FBH1: variants seen among roughly 807,000 people sequenced by gnomAD.
FBH1 encodes the protein F-box DNA helicase 1.
In FBH1, 43 loss-of-function variants were observed where a neutral mutation model predicts 115.5. The observed-to-expected ratio is 0.37, with a 90% confidence interval of 0.29 to 0.48. The LOEUF (loss-of-function observed/expected upper bound fraction) is 0.48. FBH1 is among the 20% of genes least tolerant of loss of function. FBH1 has a pLI of 0.99. For missense variants in FBH1, 1,001 were observed against 1,337.3 expected (o/e 0.75, Z 3.92); for synonymous variants, 524 against 507.8 (o/e 1.03, Z -0.43).
At chr10:5,929,168 C>T (rs1290826849) in intron 19 of FBH1, among the ~76,000 whole-genome samples, 1 of 152,172 alleles carries the variant, frequency 6.6e-6, no homozygotes, top group Non-Finnish European at 1.5e-5. Context: ...GAAATTCCTG[C>T]CCTCATAGAG....
intron 2 of FBH1, 124 bp downstream of exon 2, chr10:5,903,299 T>TGAA: frequency 1.5e-6 from 1 of 646,990 alleles, no homozygotes; most frequent in Non-Finnish European, 2.3e-6. Context: ...TGCAATAGCT[T>TGAA]GACACTTTTT....
In FBH1 at chr10:5,924,017, G is replaced by A. The variant is rs181189150; in HGVS notation, c.2399-294G>A. ...CGTGGGCCCCAAGTGATAGCGTCGA[G>A]CATTTCTATAGCGCTTTTCTTTTCC... On this transcript the variant is annotated intron_variant, in intron 16 of 20. Coordinates refer to ENST00000362091, the MANE Select transcript of FBH1 (RefSeq NM_178150.3). The surrounding 1 kb of genome is among the most constrained non-coding windows in gnomAD (Gnocchi z 6.2). 112 of 562,012 alleles carry A rather than the reference G, an allele frequency of 2.0e-4. 1 individual carries two copies. In the Admixed American group the frequency reaches 3.3e-3, roughly 17 times the overall value. The allele number at this position is 562,012 out of a possible 1,614,324, so 34.8% of individuals were successfully genotyped here.
Position 5,914,351 on chromosome 10 carries a change from C to A in FBH1, c.1396+82C>A. On this transcript the variant is annotated intron_variant, in intron 8 of 20. Transcript: ENST00000362091. This position sits in a 1 kb window ranked among gnomAD's most constrained non-coding sequence, Gnocchi z 5.2. ...ATCCCCTTCCCGCTACCTGCCAGGG[C>A]ATCTTTGCTCTGATCTGTCATCCAA... is the stretch of plus-strand genomic sequence containing the variant. The A allele has an allele frequency of 8.9e-7, 1 of 1,120,854 alleles. No homozygotes were observed. Among genetic ancestry groups the A allele is most frequent in the Non-Finnish European group, 1.4e-6 (1 of 735,628 alleles). 69.4% of individuals were successfully genotyped at this position (1,120,854 alleles called of 1,614,324 possible). A position where few individuals can be genotyped will look rare whatever the true frequency, so the allele number is the denominator to read the frequency against.
At chr10:5,904,242 A>G (rs2131901010) in intron 2 of FBH1, among the ~76,000 whole-genome samples, 1 of 152,164 alleles carries the variant, frequency 6.6e-6, no homozygotes, top group East Asian at 1.9e-4. Flanking sequence ...TACGTTGCCC[A>G]GGCTGGTCTC....
chr10:5,890,731 A>G (rs1017293972), intron 1 of FBH1, among the ~76,000 whole-genome samples: 2 of 151,998 alleles, frequency 1.3e-5, no homozygotes, highest in Non-Finnish European at 2.9e-5. Context: ...TGGGCAAGTC[A>G]TTTTTCGCTG....
chr10:5,911,541 C>T lies in FBH1; in HGVS notation c.1211+413C>T, dbSNP rs1005372625. Among the ~76,000 whole-genome samples, 4 of 152,314 alleles carry T rather than the reference C, an allele frequency of 2.6e-5. No individual in the cohort carries two copies. In the East Asian group the frequency reaches 5.8e-4, roughly 22 times the overall value. ...ATCCTCCATGCGGGAGAGGCTATGG[C>T]GTGTCGGCTGCTGATTCACAGGGGC... On this transcript the variant is annotated intron_variant, in intron 6 of 20. Transcript: ENST00000362091. This position sits in a 1 kb window ranked among gnomAD's most constrained non-coding sequence, Gnocchi z 5.4.
chr10:5,928,470 G>C (rs949959800), intron 19 of FBH1: 3 of 152,088 alleles, frequency 2.0e-5, no homozygotes, highest in Non-Finnish European at 4.4e-5. Flanking sequence ...GTGTTCACAG[G>C]GAAAAATGCC....
At position 5,894,147 on chromosome 10, in the gene FBH1, C is replaced by T. The variant is rs564838237; in HGVS notation, c.1+3801C>T. The T allele has an allele frequency of 3.5e-5, 34 of 985,194 alleles. 1 individual carries two copies. The South Asian group carries it at 3.8e-4, about 11-fold the overall frequency. The allele number at this position is 985,194 out of a possible 1,614,324, so 61.0% of individuals were successfully genotyped here. ...AGCAGGCTGTGGTAGCCTGGCTCTG[C>T]GTCAGTGAATACCTGGGAAAGGAGC... On this transcript the variant is annotated intron_variant, in intron 1 of 20. Transcript: ENST00000362091.
intron 1 of FBH1, among the ~76,000 whole-genome samples, chr10:5,894,839 T>C (rs1293076542): frequency 6.6e-6 from 1 of 152,220 alleles, no homozygotes; most frequent in Non-Finnish European, 1.5e-5. Flanking sequence ...ATAATTGTTA[T>C]TAATATAATA....
chr10:5,897,410 CAG>C lies in FBH1; in HGVS notation c.2-5609_2-5608del, dbSNP rs1191838289. ...AGGGCTCCTGCGGAGGAGGTGGACA[CAG>C]GGCTCCTGGCTCCCAGTTCAGAGCA... is the stretch of plus-strand genomic sequence containing the variant. On this transcript the variant is annotated intron_variant, in intron 1 of 20. Coordinates refer to ENST00000362091, the MANE Select transcript of FBH1 (RefSeq NM_178150.3). This position sits in a 1 kb window ranked among gnomAD's most constrained non-coding sequence, Gnocchi z 4.7. Among the ~76,000 whole-genome samples, 1 of 152,140 alleles carries C rather than the reference CAG, an allele frequency of 6.6e-6. No individual in the cohort carries two copies. The highest frequency in any genetic ancestry group is 2.4e-5 in the African/African-American group (1 of 41,424).
At position 5,936,857 on chromosome 10, in the gene FBH1, C is replaced by T. The variant is rs535010447; in HGVS notation, c.2962-253C>T. The T allele has an allele frequency of 9.6e-4, 568 of 590,346 alleles. No homozygotes were observed. The highest frequency in any genetic ancestry group is 1.5e-3 in the Non-Finnish European group (514 of 340,654). The allele number at this position is 590,346 out of a possible 1,614,324, so 36.6% of individuals were successfully genotyped here. ...AGAGAGCTGTTCCCTGGGGTCCCAG[C>T]GCAGCTTTTCTTGGTTCTTTATCTT... On this transcript the variant is annotated intron_variant, in intron 20 of 20. Transcript: ENST00000362091. The surrounding 1 kb of genome is among the most constrained non-coding windows in gnomAD (Gnocchi z 5.6).
At position 5,903,047 on chromosome 10, in the gene FBH1, C is replaced by T. The variant is rs1369803376; in HGVS notation, c.29C>T (p.Thr10Ile). ...AGACGGTTTAAGCGGAAGCATCTTA[C>T]TGCCATTGACTGCCAGCATTTGGCT... MRRFKRKHL[T>I]AIDCQHLARS... Residue 10 changes from threonine to isoleucine, a missense_variant, in exon 2 of 21, where the codon ACT (threonine) becomes ATT (isoleucine). Coordinates refer to ENST00000362091, the MANE Select transcript of FBH1 (RefSeq NM_178150.3). 6.2e-7 allele frequency: 1 copy of T among 1,613,102 alleles called. No individual in the cohort carries two copies. The highest frequency in any genetic ancestry group is 8.5e-7 in the Non-Finnish European group (1 of 1,179,520).
Position 5,915,581 on chromosome 10 carries a change from GCTGT to G in FBH1, c.1565+12_1565+15del. ...GGCACATAGGGCGGAAGTGAGTACT[GCTGT>G]CACTAGTGGCACTGTTGCTGCTGGC... is the stretch of plus-strand genomic sequence containing the variant. On this transcript the variant is annotated intron_variant, in intron 9 of 20. Transcript: ENST00000362091. This position sits in a 1 kb window ranked among gnomAD's most constrained non-coding sequence, Gnocchi z 5.2. 1 of 1,613,260 alleles carries G rather than the reference GCTGT, an allele frequency of 6.2e-7. No individual in the cohort carries two copies. Among genetic ancestry groups the G allele is most frequent in the Non-Finnish European group, 8.5e-7 (1 of 1,179,342 alleles).
intron 18 of FBH1, 61 bp from the exon 19 acceptor site, chr10:5,927,362 TAGATGAGACATA>T: frequency 9.0e-7 from 1 of 1,107,324 alleles, no homozygotes; most frequent in Non-Finnish European, 1.3e-6. Context: ...AGTAAACATT[TAGATGAGACATA>T]AGGTTTTGTA....
At chr10:5,901,199 T>G (rs1843325626) in intron 1 of FBH1, among the ~76,000 whole-genome samples, 1 of 152,078 alleles carries the variant, frequency 6.6e-6, no homozygotes, top group Non-Finnish European at 1.5e-5. Flanking sequence ...TGAGATGGAG[T>G]TTCACTCTTG....
In FBH1 at chr10:5,916,443, A is replaced by G. The variant is rs1188148932; in HGVS notation, c.1775A>G (p.Gln592Arg). ...CAAGGACAGAGAGTCATGGTTGAGC[A>G]GAGTGAAAAACTGGTGAGTGTCTAA... ...NSQGQRVMVE[Q>R]SEKLNGVLEA... Residue 592 changes from glutamine to arginine, a missense_variant, in exon 10 of 21, where the codon CAG (glutamine) becomes CGG (arginine). Transcript: ENST00000362091. The G allele has an allele frequency of 6.2e-7, 1 of 1,613,500 alleles. No individual in the cohort carries two copies. The highest frequency in any genetic ancestry group is 8.5e-7 in the Non-Finnish European group (1 of 1,179,770).
Position 5,895,374 on chromosome 10 carries a change from T to C in FBH1, c.1+5028T>C, listed in dbSNP as rs1017140717. ...TGAAAAAGCAATTATTTAATAATAATATTTACTTCCAGGAATTCTAGGTAC... is the reference window on the plus strand; with the variant it reads ...TGAAAAAGCAATTATTTAATAATAACATTTACTTCCAGGAATTCTAGGTAC... On this transcript the variant is annotated intron_variant, in intron 1 of 20. Coordinates refer to ENST00000362091, the MANE Select transcript of FBH1 (RefSeq NM_178150.3). This position sits in a 1 kb window ranked among gnomAD's most constrained non-coding sequence, Gnocchi z 5.0. Among the ~76,000 whole-genome samples, 1 of 152,216 alleles carries C rather than the reference T, an allele frequency of 6.6e-6. No individual in the cohort carries two copies. Among genetic ancestry groups the C allele is most frequent in the Non-Finnish European group, 1.5e-5 (1 of 68,042 alleles).
Position 5,895,329 on chromosome 10 carries a change from G to A in FBH1, c.1+4983G>A, listed in dbSNP as rs1428154041. On this transcript the variant is annotated intron_variant, in intron 1 of 20. Transcript: ENST00000362091. The surrounding 1 kb of genome is among the most constrained non-coding windows in gnomAD (Gnocchi z 5.0). ...CTCCAGTCAGGTACCTTGTACTAGC[G>A]AGTCAACTTGATTTTTTTTTGAAAA... The A allele has an allele frequency of 2.8e-6, 2 of 717,206 alleles. No homozygotes were observed. Among genetic ancestry groups the A allele is most frequent in the Non-Finnish European group, 4.1e-6 (2 of 492,768 alleles). 44.4% of individuals were successfully genotyped at this position (717,206 alleles called of 1,614,324 possible).
chr10:5,894,080 G>T (rs1238307869), intron 1 of FBH1: 1 of 985,306 alleles, frequency 1.0e-6, no homozygotes, highest in African/African-American at 1.7e-5. Context: ...GGATCCCGGG[G>T]AGATTGAGCT....
Sources: allele counts gnomAD v4.1 joint callset (sites outside exome capture counted in the v4.1 genomes callset), GRCh38; gene constraint gnomAD v4.1.1; non-coding constraint Gnocchi (gnomAD v3.1); transcripts MANE v1.5; gene names NCBI Gene and HGNC (gene_info 2026-07-23, HGNC 2026-07-21).